Variants in WWTR1 observed in about 807,000 individuals in gnomAD.
The protein encoded by WWTR1 is WW domain containing transcription regulator 1.
In WWTR1, 13 loss-of-function variants were observed where a neutral mutation model predicts 40.1. The ratio of observed to expected loss-of-function variants is 0.32; its 90% confidence interval spans 0.21 to 0.52. The LOEUF (loss-of-function observed/expected upper bound fraction) is 0.52. Among genes scored for constraint, WWTR1 ranks in the 20% least tolerant of loss-of-function variants. The pLI is 0.97. For synonymous variants in WWTR1, 230 were observed against 210.1 expected, an observed-to-expected ratio of 1.09 and a Z score of -0.82; for missense variants, 436 against 523.1, an observed-to-expected ratio of 0.83 and a Z score of 1.63.
At chr3:149,572,676 G>A (rs1269024182) in intron 3 of WWTR1, among the ~76,000 whole-genome samples, 188 bp downstream of exon 3, 1 of 151,966 alleles carries the variant, frequency 6.6e-6, no homozygotes, top group Non-Finnish European at 1.5e-5. Context: ...CATTTCTTCA[G>A]CTTGGAGTCA....
At chr3:149,671,908 A>C (rs17195721) in intron 1 of WWTR1, among the ~76,000 whole-genome samples, 86,891 of 151,954 alleles carry the variant, frequency 0.57, 25,169 homozygotes, top group Admixed American at 0.66. Flanking sequence ...TCCAGCATGT[A>C]ACTGCTCAAC....
At chr3:149,607,042 A>AT (rs142072502) in intron 2 of WWTR1, among the ~76,000 whole-genome samples, 1 of 152,322 alleles carries the variant, frequency 6.6e-6, no homozygotes, top group East Asian at 1.9e-4. Flanking sequence ...TTACAATGGT[A>AT]TTTTTTTATT....
chr3:149,563,670 G>A (rs1237278047), intron 3 of WWTR1, among the ~76,000 whole-genome samples: 2 of 152,194 alleles, frequency 1.3e-5, no homozygotes, highest in African/African-American at 2.4e-5. Flanking sequence ...AAGACTGAAC[G>A]ATTGAGTAGG....
intron 2 of WWTR1, among the ~76,000 whole-genome samples, chr3:149,643,620 G>T (rs1402918219): frequency 6.6e-6 from 1 of 152,040 alleles, no homozygotes; most frequent in Non-Finnish European, 1.5e-5. Flanking sequence ...GGACTATGTG[G>T]GAGTGTATTC....
At chr3:149,671,465 T>C (rs1282990773) in intron 1 of WWTR1, among the ~76,000 whole-genome samples, 1 of 152,254 alleles carries the variant, frequency 6.6e-6, no homozygotes. Flanking sequence ...AAGTTTCTGC[T>C]GGCATATCCC....
intron 3 of WWTR1, among the ~76,000 whole-genome samples, chr3:149,563,997 G>A (rs569783580): frequency 6.6e-6 from 1 of 152,276 alleles, no homozygotes; most frequent in Non-Finnish European, 1.5e-5. Flanking sequence ...CAGGTGATCT[G>A]CCCGCCTTGG....
At chr3:149,652,251 T>C (rs975231980) in intron 2 of WWTR1, among the ~76,000 whole-genome samples, 4 of 151,720 alleles carry the variant, frequency 2.6e-5, no homozygotes, top group Admixed American at 2.6e-4. Context: ...GAAAGCAACA[T>C]TGTCAAAAAG....
At chr3:149,547,944 TCACA>T (rs150391375) in intron 3 of WWTR1, among the ~76,000 whole-genome samples, 2 of 144,908 alleles carry the variant, frequency 1.4e-5, no homozygotes, top group Non-Finnish European at 3.0e-5. Context: ...AAGGAAAAAA[TCACA>T]CACACACACA....
At chr3:149,723,185 C>CTTTTTTT (rs35573546) in intron 4 of WWTR1, among the ~76,000 whole-genome samples, 319 of 101,764 alleles carry the variant, frequency 3.1e-3, no homozygotes, top group Middle Eastern at 7.8e-3. Context: ...CTTTTCTTTT[C>CTTTTTTT]TTTTTTTTTT....
intron 1 of WWTR1, among the ~76,000 whole-genome samples, chr3:149,686,605 T>C (rs1039485406): frequency 1.3e-5 from 2 of 152,136 alleles, no homozygotes; most frequent in Non-Finnish European, 2.9e-5. Flanking sequence ...TTTCTCTATG[T>C]CTCATTGACT....
At chr3:149,701,804 G>A (rs1457191889) in intron 1 of WWTR1, 1 of 175,058 alleles carries the variant, frequency 5.7e-6, no homozygotes, top group Non-Finnish European at 1.2e-5. Context: ...ATGGGCCCTT[G>A]TGCTTGCCTT....
intron 4 of WWTR1, among the ~76,000 whole-genome samples, chr3:149,540,747 A>C (rs1736055886): frequency 7.1e-6 from 1 of 140,216 alleles, no homozygotes; most frequent in South Asian, 2.2e-4. Flanking sequence ...GGTAAAAGAC[A>C]CAACTGTAGT....
At chr3:149,606,575 T>C (rs1245589266) in intron 2 of WWTR1, among the ~76,000 whole-genome samples, 1 of 152,216 alleles carries the variant, frequency 6.6e-6, no homozygotes, top group African/African-American at 2.4e-5. Flanking sequence ...TATATTGATA[T>C]AGCTTCTTTT....
intron 2 of WWTR1, among the ~76,000 whole-genome samples, chr3:149,579,262 G>C (rs1313683363): frequency 6.6e-6 from 1 of 152,090 alleles, no homozygotes; most frequent in Non-Finnish European, 1.5e-5. Context: ...TGGTTAGGAC[G>C]GGACCTGGAA....
At chr3:149,666,067 A>G in intron 2 of WWTR1, among the ~76,000 whole-genome samples, 1 of 152,200 alleles carries the variant, frequency 6.6e-6, no homozygotes, top group Non-Finnish European at 1.5e-5. Flanking sequence ...TGATTAAAAC[A>G]TTTATTGTTT....
intron 2 of WWTR1, among the ~76,000 whole-genome samples, chr3:149,604,322 T>G (rs1739390454): frequency 2.0e-5 from 3 of 152,014 alleles, no homozygotes; most frequent in African/African-American, 7.2e-5. Context: ...CCCCACCACA[T>G]CCCGGGAAGG....
At chr3:149,706,767 A>C (rs946054024), upstream of WWTR1, among the ~76,000 whole-genome samples, 1 of 152,220 alleles carries the variant, frequency 6.6e-6, no homozygotes, top group South Asian at 2.1e-4. Flanking sequence ...ACTTTTTAGA[A>C]TAGAATATCT....
intron 2 of WWTR1, among the ~76,000 whole-genome samples, chr3:149,613,437 T>C (rs1488160285): frequency 6.6e-6 from 1 of 152,230 alleles, no homozygotes; most frequent in Non-Finnish European, 1.5e-5. Context: ...GGGTAAAAGC[T>C]TGCTGGTTCA....
upstream of WWTR1, chr3:149,659,237 T>C (rs1713450439): frequency 6.6e-6 from 1 of 152,038 alleles, no homozygotes; most frequent in Non-Finnish European, 1.5e-5. Context: ...AACGAGACAA[T>C]GTAAAGCACT....
Sources: allele counts gnomAD v4.1 joint callset (sites outside exome capture counted in the v4.1 genomes callset), GRCh38; gene constraint gnomAD v4.1.1; transcripts MANE v1.5; gene names NCBI Gene and HGNC (gene_info 2026-07-23, HGNC 2026-07-21).